Variants in ARHGAP24 observed in about 807,000 individuals in gnomAD.
The protein encoded by ARHGAP24 is Rho GTPase activating protein 24, also known as rho GTPase-activating protein 24.
A neutral mutation model predicts 76.4 loss-of-function variants in ARHGAP24; 50 were observed. That is an observed-to-expected ratio of 0.65 (90% CI 0.52 to 0.83). ARHGAP24 has a LOEUF of 0.83. ARHGAP24 is among the 40% of genes least tolerant of loss of function. The pLI, the probability that ARHGAP24 is intolerant of heterozygous loss-of-function variation, is 0.00. For synonymous variants in ARHGAP24, 345 were observed against 323.3 expected, an observed-to-expected ratio of 1.07 and a Z score of -0.72; for missense variants, 930 against 914.2, an observed-to-expected ratio of 1.02 and a Z score of -0.22.
intron 5 of ARHGAP24, among the ~76,000 whole-genome samples, chr4:85,957,519 T>C (rs879132281): frequency 1.3e-5 from 2 of 152,228 alleles, no homozygotes; most frequent in Admixed American, 1.3e-4. Flanking sequence ...TCCTCTTTGA[T>C]GTAATCAGGA....
chr4:85,937,591 G>A (rs1184444611), intron 4 of ARHGAP24, among the ~76,000 whole-genome samples: 1 of 152,152 alleles, frequency 6.6e-6, no homozygotes, highest in Non-Finnish European at 1.5e-5. Flanking sequence ...CTATTAAAGA[G>A]TGTAGTAGTT....
chr4:85,687,045 C>T (rs1723448615), intron 2 of ARHGAP24, among the ~76,000 whole-genome samples: 1 of 151,906 alleles, frequency 6.6e-6, no homozygotes, highest in Non-Finnish European at 1.5e-5. Flanking sequence ...CCTGTATCAA[C>T]TTCAAGAAAA....
chr4:85,955,773 C>T (rs1295198104), intron 5 of ARHGAP24, among the ~76,000 whole-genome samples: 3 of 152,202 alleles, frequency 2.0e-5, no homozygotes. Flanking sequence ...CAACATCACA[C>T]CATTACTGGG....
chr4:85,938,640 T>C (rs1736786396), intron 4 of ARHGAP24, among the ~76,000 whole-genome samples: 1 of 152,154 alleles, frequency 6.6e-6, no homozygotes, highest in Admixed American at 6.5e-5. Flanking sequence ...TCTTTACTCA[T>C]TCTTTGCAAG....
chr4:85,841,677 G>A (rs1730601947), intron 3 of ARHGAP24, among the ~76,000 whole-genome samples: 4 of 152,088 alleles, frequency 2.6e-5, no homozygotes, highest in Admixed American at 2.6e-4. Flanking sequence ...ATCCAATTTT[G>A]CTTGATTGAA....
chr4:85,705,851 C>T (rs548087597), intron 2 of ARHGAP24, among the ~76,000 whole-genome samples: 55 of 152,098 alleles, frequency 3.6e-4, no homozygotes, highest in African/African-American at 1.3e-3. Context: ...GTTATAGTGA[C>T]AAATAAGCAT....
intron 1 of ARHGAP24, among the ~76,000 whole-genome samples, chr4:85,557,235 C>T (rs1280061504): frequency 3.8e-5 from 4 of 106,218 alleles, no homozygotes; most frequent in Non-Finnish European, 8.5e-5. Flanking sequence ...GCATGGCTTG[C>T]AGTCCATCAC....
intron 3 of ARHGAP24, among the ~76,000 whole-genome samples, chr4:85,767,080 C>T (rs527285139): frequency 2.0e-5 from 3 of 152,208 alleles, no homozygotes; most frequent in East Asian, 1.9e-4. Flanking sequence ...ACATAACCCA[C>T]GTGTGTAGTA....
At chr4:85,589,081 T>C (rs1425761024) in intron 2 of ARHGAP24, among the ~76,000 whole-genome samples, 1 of 152,196 alleles carries the variant, frequency 6.6e-6, no homozygotes, top group Non-Finnish European at 1.5e-5. Context: ...TGAATAGAGA[T>C]TCTGTAAACT....
chr4:85,703,677 T>A (rs557905935), intron 2 of ARHGAP24, among the ~76,000 whole-genome samples: 10 of 152,208 alleles, frequency 6.6e-5, no homozygotes, highest in African/African-American at 2.4e-4. Context: ...CACCTTGATA[T>A]TGAACTTCTC....
At chr4:85,855,082 T>TATC in intron 3 of ARHGAP24, among the ~76,000 whole-genome samples, 1 of 152,330 alleles carries the variant, frequency 6.6e-6, no homozygotes, top group African/African-American at 2.4e-5. Flanking sequence ...AGTTAATATG[T>TATC]AGTATCAGTA....
chr4:85,764,634 G>GT (rs200336908), intron 3 of ARHGAP24, among the ~76,000 whole-genome samples: 108 of 150,750 alleles, frequency 7.2e-4, no homozygotes, highest in Middle Eastern at 3.4e-3. Context: ...CAGAGTAATT[G>GT]TTTTTTTTTA....
At chr4:85,934,286 C>A (rs1181057424) in intron 4 of ARHGAP24, among the ~76,000 whole-genome samples, 1 of 152,136 alleles carries the variant, frequency 6.6e-6, no homozygotes. Context: ...GGAGTATAAG[C>A]CCCCTAATTC....
At chr4:85,651,664 A>C (rs6817542) in intron 2 of ARHGAP24, among the ~76,000 whole-genome samples, 1 of 142,438 alleles carries the variant, frequency 7.0e-6, no homozygotes, top group Non-Finnish European at 1.5e-5. Context: ...ATAGTAACAC[A>C]TTGAGTTTTT....
Position 85,977,476 on chromosome 4 carries a change from ATAACT to A in ARHGAP24, c.807-92_807-88del, listed in dbSNP as rs1560760146. 8.5e-6 allele frequency: 12 copies of A among 1,409,948 alleles called. No individual in the cohort carries two copies. In the African/African-American group the frequency reaches 1.4e-4, roughly 17 times the overall value. The allele number at this position is 1,409,948 out of a possible 1,614,324, so 87.3% of individuals were successfully genotyped here. A position where few individuals can be genotyped will look rare whatever the true frequency, so the allele number is the denominator to read the frequency against. Reference sequence around the variant, plus strand: ...TCTGTCTCCATAGTCATCTTTGAACATAACTTTAGTTTGTAAATTTTCTAATGATC... The same window carrying A: ...TCTGTCTCCATAGTCATCTTTGAACATTAGTTTGTAAATTTTCTAATGATC... On this transcript the variant is annotated intron_variant, in intron 7 of 9. Coordinates refer to ENST00000395184, the MANE Select transcript of ARHGAP24 (RefSeq NM_001025616.3).
rs113068306 is a variant in ARHGAP24 at position 85,676,717 on chromosome 4, A to G, written c.181-45168A>G. 6.8e-3 allele frequency among the ~76,000 whole-genome samples: 1,043 copies of G among 152,294 alleles called. 13 individuals carry two copies. Among genetic ancestry groups the G allele is most frequent in the African/African-American group, 0.024 (984 of 41,550 alleles). ...GGAAAAGGGTTATGAAAAGATCAGT[A>G]TAGTGTCTGAGGGGGCCAAGCAGTA... On this transcript the variant is annotated intron_variant, in intron 2 of 9. Coordinates refer to ENST00000395184, the MANE Select transcript of ARHGAP24 (RefSeq NM_001025616.3).
At chr4:85,624,328 C>A (rs1720841073) in intron 2 of ARHGAP24, among the ~76,000 whole-genome samples, 2 of 152,096 alleles carry the variant, frequency 1.3e-5, no homozygotes, top group Non-Finnish European at 2.9e-5. Context: ...GCCTTTTCTG[C>A]ATCTATTGAG....
chr4:85,596,875 C>A (rs2109985134), intron 2 of ARHGAP24, among the ~76,000 whole-genome samples: 1 of 152,056 alleles, frequency 6.6e-6, no homozygotes, highest in East Asian at 1.9e-4. Context: ...TTCAAAATGT[C>A]CATATTTTGT....
chr4:85,594,551 A>T (rs1728241309), intron 2 of ARHGAP24, among the ~76,000 whole-genome samples: 1 of 152,086 alleles, frequency 6.6e-6, no homozygotes, highest in African/African-American at 2.4e-5. Context: ...AGGAGAGATG[A>T]TACCTATCTG....
Sources: gnomAD v4.1 joint callset for allele counts (sites outside exome capture counted in the v4.1 genomes callset) on GRCh38, gnomAD v4.1.1 for gene constraint, MANE v1.5 for transcripts, NCBI Gene and HGNC (gene_info 2026-07-23, HGNC 2026-07-21) for gene names.